Variants in IKZF3 observed in about 807,000 individuals in gnomAD.
IKZF3 encodes zinc finger protein Aiolos.
In IKZF3, 10 loss-of-function variants were observed where a neutral mutation model predicts 49.0. The ratio of observed to expected loss-of-function variants is 0.20; its 90% CI spans 0.13 to 0.35. The LOEUF is 0.35. Among genes scored for constraint, IKZF3 ranks in the 10% least tolerant of loss-of-function variants. The pLI, the probability that IKZF3 is intolerant of heterozygous loss-of-function variation, is 1.00. For missense variants in IKZF3, 498 were observed against 664.8 expected, an observed-to-expected ratio of 0.75 and a Z score of 2.76; for synonymous variants, 209 against 228.2, an observed-to-expected ratio of 0.92 and a Z score of 0.76.
At chr17:39,808,392 T>C (rs527534587) in intron 3 of IKZF3, among the ~76,000 whole-genome samples, 1 of 152,328 alleles carries the variant, frequency 6.6e-6, no homozygotes, top group South Asian at 2.1e-4. Flanking sequence ...TTCCCATACT[T>C]AGTTATTTTA....
At chr17:39,850,849 T>C (rs1410228081) in intron 1 of IKZF3, among the ~76,000 whole-genome samples, 1 of 131,292 alleles carries the variant, frequency 7.6e-6, no homozygotes, top group Admixed American at 8.4e-5. Context: ...ATATAATATA[T>C]AATATGCTCT....
At chr17:39,772,426 CA>C (rs2060468669) in intron 7 of IKZF3, among the ~76,000 whole-genome samples, 1 of 152,332 alleles carries the variant, frequency 6.6e-6, no homozygotes, top group Admixed American at 6.5e-5. Context: ...TAATTTCCCA[CA>C]AGTGTTATCC....
chr17:39,818,246 A>G (rs9913957), intron 3 of IKZF3, among the ~76,000 whole-genome samples: 8,680 of 152,274 alleles, frequency 0.057, 376 homozygotes, highest in African/African-American at 0.12. Context: ...TGACCCAAAC[A>G]TTATGTGGTA....
At chr17:39,827,693 A>C (rs928279364) in intron 3 of IKZF3, among the ~76,000 whole-genome samples, 11 of 152,226 alleles carry the variant, frequency 7.2e-5, no homozygotes, top group Non-Finnish European at 1.5e-4. Context: ...CAGTACCACG[A>C]AAGAACCAGA....
In IKZF3 at chr17:39,803,123, A is replaced by G. The variant is rs2144019947; in HGVS notation, c.164-10190T>C. On this transcript the variant is annotated intron_variant, in intron 3 of 7. Transcript: ENST00000346872. ...GCAGTAGGTAAGGTTCCAGCTGCTC[A>G]GCTGGGCTAAGCTCTTCAAATGTCA... Among the ~76,000 whole-genome samples the G allele has an allele frequency of 2.0e-5, 3 of 152,336 alleles. No individual in the cohort carries two copies. In the South Asian group the frequency reaches 6.2e-4, roughly 32 times the overall value.
intron 1 of IKZF3, among the ~76,000 whole-genome samples, chr17:39,833,666 A>G (rs905509872): frequency 6.6e-6 from 1 of 152,166 alleles, no homozygotes; most frequent in Non-Finnish European, 1.5e-5. Context: ...CCATTCTCCT[A>G]TTGATGGACA....
At chr17:39,799,855 T>C (rs1448395973) in intron 3 of IKZF3, among the ~76,000 whole-genome samples, 4 of 152,246 alleles carry the variant, frequency 2.6e-5, no homozygotes, top group Admixed American at 2.6e-4. Context: ...ATTATGTTTC[T>C]TTGTTCTCAT....
chr17:39,779,656 T>TG (rs1383018900), intron 6 of IKZF3, among the ~76,000 whole-genome samples: 2 of 150,592 alleles, frequency 1.3e-5, no homozygotes, highest in East Asian at 1.9e-4. Flanking sequence ...GTTTTTTGTT[T>TG]TTTTTTTTTC....
At chr17:39,772,808 G>GT (rs530013330) in intron 7 of IKZF3, among the ~76,000 whole-genome samples, 56 of 152,136 alleles carry the variant, frequency 3.7e-4, no homozygotes, top group South Asian at 1.7e-3. Flanking sequence ...TTCTTCAAGG[G>GT]TTTTTTTCCT....
chr17:39,759,216 G>A lies in IKZF3; in HGVS notation c.*6574C>T, dbSNP rs1019664515. On this transcript the variant is annotated 3_prime_UTR_variant, in exon 8 of 8. Transcript: ENST00000346872. ...AGATTACTTGAGCCCAGGAGTTCAG[G>A]ACCAGCCTGGGCAACATGGTGAGAC... 1 of 152,074 alleles carries A rather than the reference G, an allele frequency of 6.6e-6. No homozygotes were observed. The highest frequency in any genetic ancestry group is 1.5e-5 in the Non-Finnish European group (1 of 68,066). 9.4% of individuals were successfully genotyped at this position (152,074 alleles called of 1,614,324 possible).
At chr17:39,784,520 C>T (rs1026022676) in intron 6 of IKZF3, among the ~76,000 whole-genome samples, 3 of 152,094 alleles carry the variant, frequency 2.0e-5, no homozygotes, top group Non-Finnish European at 4.4e-5. Flanking sequence ...TCTCCTGCCT[C>T]AGCCTCCTGA....
intron 3 of IKZF3, among the ~76,000 whole-genome samples, chr17:39,828,077 T>C (rs1459287976): frequency 6.6e-6 from 1 of 152,216 alleles, no homozygotes; most frequent in Non-Finnish European, 1.5e-5. Context: ...CAGCTTTCTC[T>C]TTCCTACCAG....
chr17:39,849,433 C>T (rs1382865398), intron 1 of IKZF3, among the ~76,000 whole-genome samples: 6 of 151,742 alleles, frequency 4.0e-5, no homozygotes, highest in African/African-American at 9.7e-5. Context: ...CCAAGGCAGG[C>T]GGATCACCTG....
intron 2 of IKZF3, 98 bp downstream of exon 2, chr17:39,832,000 C>T: frequency 1.2e-6 from 1 of 847,932 alleles, no homozygotes; most frequent in South Asian, 1.6e-5. Context: ...CACACATTTC[C>T]ATAGCATTTT....
At chr17:39,836,642 A>T (rs28420939) in intron 1 of IKZF3, among the ~76,000 whole-genome samples, 4,715 of 152,220 alleles carry the variant, frequency 0.031, 245 homozygotes, top group African/African-American at 0.11. Context: ...ATGACTGTTG[A>T]TTTGTCTATT....
chr17:39,845,252 T>G (rs186671454), intron 1 of IKZF3, among the ~76,000 whole-genome samples: 72 of 152,304 alleles, frequency 4.7e-4, no homozygotes, highest in African/African-American at 1.6e-3. Flanking sequence ...CCAGGCACGG[T>G]GGCTCATGCC....
chr17:39,833,488 A>C (rs2062174789), intron 1 of IKZF3, among the ~76,000 whole-genome samples: 1 of 152,184 alleles, frequency 6.6e-6, no homozygotes, highest in Non-Finnish European at 1.5e-5. Context: ...CCTATTTTAG[A>C]ACTTCATAAA....
chr17:39,808,925 T>C (rs1462786534), intron 3 of IKZF3, among the ~76,000 whole-genome samples: 1 of 152,250 alleles, frequency 6.6e-6, no homozygotes, highest in Non-Finnish European at 1.5e-5. Flanking sequence ...CAGCCTAGGC[T>C]GACTTAACAG....
At chr17:39,796,636 G>A (rs553039758) in intron 3 of IKZF3, among the ~76,000 whole-genome samples, 26 of 150,854 alleles carry the variant, frequency 1.7e-4, no homozygotes, top group Admixed American at 1.7e-3. Context: ...TGCCTCCCTG[G>A]TTCAAGCGAT....
Sources: allele counts gnomAD v4.1 joint callset (sites outside exome capture counted in the v4.1 genomes callset), GRCh38; gene constraint gnomAD v4.1.1; transcripts MANE v1.5; gene names NCBI Gene and HGNC (gene_info 2026-07-23, HGNC 2026-07-21).